Variants in CALN1 observed in about 807,000 individuals in gnomAD.
CALN1 encodes the protein calneuron 1, also known as calcium-binding protein 8.
CALN1 carries 17 observed loss-of-function variants against 30.6 expected under a neutral mutation model. That is an observed-to-expected ratio of 0.56 (90% confidence interval 0.38 to 0.83). The LOEUF (loss-of-function observed/expected upper bound fraction) is 0.83, where lower values mean the gene tolerates loss of function less well. Among genes scored for constraint, CALN1 ranks in the 40% least tolerant of loss-of-function variants. CALN1 has a pLI of 0.00. For synonymous variants in CALN1, 156 were observed against 131.4 expected (o/e 1.19, Z -1.28); for missense variants, 291 against 354.9 (o/e 0.82, Z 1.45).
At chr7:72,292,097 T>C (rs150525040) in intron 2 of CALN1, among the ~76,000 whole-genome samples, 5 of 152,070 alleles carry the variant, frequency 3.3e-5, no homozygotes, top group African/African-American at 9.7e-5. Context: ...ACAAGAATAA[T>C]TGCAGTTATT....
At chr7:72,135,563 C>G (rs896129392) in intron 3 of CALN1, among the ~76,000 whole-genome samples, 2 of 152,166 alleles carry the variant, frequency 1.3e-5, no homozygotes, top group Non-Finnish European at 2.9e-5. Flanking sequence ...TATTTCTCAA[C>G]AGTGAGCTTA....
chr7:72,160,851 G>A (rs370279297), intron 3 of CALN1, among the ~76,000 whole-genome samples: 4 of 152,296 alleles, frequency 2.6e-5, no homozygotes, highest in African/African-American at 9.6e-5. Context: ...CTGCAGCACT[G>A]TCCCCAAGCT....
intron 5 of CALN1, among the ~76,000 whole-genome samples, chr7:71,928,382 G>C (rs1795376281): frequency 6.7e-6 from 1 of 149,652 alleles, no homozygotes; most frequent in African/African-American, 2.5e-5. Context: ...TCTTTCCATT[G>C]ACTTCAGGCC....
chr7:72,200,678 C>A (rs1393527924), intron 3 of CALN1, among the ~76,000 whole-genome samples: 4 of 151,526 alleles, frequency 2.6e-5, no homozygotes, highest in African/African-American at 7.3e-5. Context: ...GAAAAAAAAA[C>A]ACACATGGAG....
intron 3 of CALN1, among the ~76,000 whole-genome samples, chr7:72,117,726 G>A (rs1808086018): frequency 6.6e-6 from 1 of 152,148 alleles, no homozygotes; most frequent in African/African-American, 2.4e-5. Flanking sequence ...GGGAGGCCAA[G>A]CTGGGCAGAT....
chr7:72,079,166 G>A (rs929409880), intron 4 of CALN1, among the ~76,000 whole-genome samples: 1 of 152,186 alleles, frequency 6.6e-6, no homozygotes, highest in East Asian at 1.9e-4. Context: ...GACCTTCAAG[G>A]ATGCAAAGCC....
At chr7:72,113,848 T>TA (rs1489348730) in intron 3 of CALN1, among the ~76,000 whole-genome samples, 4 of 152,108 alleles carry the variant, frequency 2.6e-5, no homozygotes, top group African/African-American at 4.8e-5. Flanking sequence ...AAAATATATA[T>TA]TTTTTAAGGG....
In CALN1 at chr7:71,972,653, T is replaced by C. The variant is rs184150046; in HGVS notation, c.501+51004A>G. Among the ~76,000 whole-genome samples, 12 of 152,262 alleles carry C rather than the reference T, an allele frequency of 7.9e-5. No individual in the cohort carries two copies. The East Asian group carries it at 2.3e-3, about 29-fold the overall frequency. ...AGAGAGACAGCAATCAATTTCCAACTTAGGAAATTTAATGGATTTTAATGA... is the reference window on the plus strand; with the variant it reads ...AGAGAGACAGCAATCAATTTCCAACCTAGGAAATTTAATGGATTTTAATGA... On this transcript the variant is annotated intron_variant, in intron 5 of 6. Coordinates refer to ENST00000395275, the MANE Select transcript of CALN1 (RefSeq NM_031468.4).
chr7:72,402,974 G>A (rs139192678), intron 2 of CALN1, among the ~76,000 whole-genome samples: 26 of 152,300 alleles, frequency 1.7e-4, no homozygotes, highest in Non-Finnish European at 5.9e-5. Context: ...TCTGTAAGTT[G>A]TATTTGTCAT....
the CALN1 span, among the ~76,000 whole-genome samples, chr7:72,456,852 A>C: frequency 0.011 from 1,706 of 152,214 alleles, 23 homozygotes; most frequent in African/African-American, 0.037. Flanking sequence ...GTCTAAAAAA[A>C]TAAACATAAA....
Position 72,441,597 on chromosome 7 carries a change from C to CAA in CALN1, c.-226+5443_-226+5444dup, listed in dbSNP as rs56230554. ...TGAGCAACAGAGCGACACTCCGTCT[C>CAA]AAAAAAAAAAAAAAAAAAAAAAAAG... On this transcript the variant is annotated intron_variant, in intron 1 of 6. Transcript: ENST00000395276. Among the ~76,000 whole-genome samples the CAA allele has an allele frequency of 5.3e-3, 423 of 79,378 alleles. 5 individuals carry two copies. The highest frequency in any genetic ancestry group is 0.017 in the African/African-American group (354 of 20,282). The allele number at this position is 79,378 out of a possible 152,430, so 52.1% of individuals were successfully genotyped here. A position where few individuals can be genotyped will look rare whatever the true frequency, so the allele number is the denominator to read the frequency against.
At chr7:71,803,378 T>TTTC (rs1787417613) in intron 6 of CALN1, among the ~76,000 whole-genome samples, 1 of 152,032 alleles carries the variant, frequency 6.6e-6, no homozygotes, top group Non-Finnish European at 1.5e-5. Flanking sequence ...TTCAAAAGGG[T>TTTC]TTCTGTAGGG....
chr7:72,308,375 GAGAGAGAGA>G (rs1799808055), intron 2 of CALN1, among the ~76,000 whole-genome samples: 3 of 29,886 alleles, frequency 1.0e-4, no homozygotes, highest in Non-Finnish European at 2.1e-4. Context: ...GGGGGGGGGA[GAGAGAGAGA>G]GAGAGAGAGA....
At chr7:71,826,522 G>C (rs570441228) in intron 5 of CALN1, among the ~76,000 whole-genome samples, 52 of 152,290 alleles carry the variant, frequency 3.4e-4, no homozygotes, top group African/African-American at 1.2e-3. Context: ...GGTGTCCCCA[G>C]TCTCTGCTCC....
intron 3 of CALN1, among the ~76,000 whole-genome samples, chr7:72,273,861 C>CA (rs1389032676): frequency 6.6e-6 from 1 of 150,768 alleles, no homozygotes; most frequent in East Asian, 1.9e-4. Flanking sequence ...ACTGAGCCTA[C>CA]AAAAAAACTT....
upstream of CALN1, among the ~76,000 whole-genome samples, chr7:72,412,816 G>C (rs1298891622): frequency 6.6e-6 from 1 of 152,222 alleles, no homozygotes; most frequent in East Asian, 1.9e-4. Flanking sequence ...AGAAATATCT[G>C]GTGGCCCAGC....
intron 1 of CALN1, among the ~76,000 whole-genome samples, chr7:72,424,264 A>G (rs181839700): frequency 1.6e-4 from 25 of 152,272 alleles, no homozygotes; most frequent in Admixed American, 1.4e-3. Context: ...GCAGCCCTCC[A>G]GGTTTCCTTC....
intron 3 of CALN1, among the ~76,000 whole-genome samples, chr7:72,259,413 T>G (rs1172861063): frequency 6.6e-6 from 1 of 152,152 alleles, no homozygotes; most frequent in African/African-American, 2.4e-5. Context: ...CTGTCCCTGG[T>G]CTCAGCGGTT....
intron 3 of CALN1, among the ~76,000 whole-genome samples, chr7:72,265,081 A>G (rs2129553064): frequency 6.6e-6 from 1 of 152,262 alleles, no homozygotes; most frequent in African/African-American, 2.4e-5. Flanking sequence ...CTCACCTCCC[A>G]AAGTGCTGGG....
Sources: gnomAD v4.1 joint callset for allele counts (sites outside exome capture counted in the v4.1 genomes callset) on GRCh38, gnomAD v4.1.1 for gene constraint, MANE v1.5 for transcripts, NCBI Gene and HGNC (gene_info 2026-07-23, HGNC 2026-07-21) for gene names.